The following ZNF385D variants were observed in gnomAD, a reference collection of about 807,000 sequenced individuals.
ZNF385D encodes zinc finger protein 659.
ZNF385D carries 15 observed loss-of-function variants against 35.8 expected under a neutral mutation model. The observed-to-expected ratio is 0.42, with a 90% CI of 0.28 to 0.64. The LOEUF is 0.64. Ranked by LOEUF, ZNF385D falls within the 30% of genes least tolerant of loss-of-function variation. The pLI, the probability that ZNF385D is intolerant of heterozygous loss-of-function variation, is 0.23. For missense variants in ZNF385D, 474 were observed against 494.6 expected (o/e 0.96, Z 0.39); for synonymous variants, 212 against 186.8 (o/e 1.13, Z -1.10).
At chr3:22,242,757 T>A (rs997093048) in intron 2 of ZNF385D, among the ~76,000 whole-genome samples, 1 of 151,162 alleles carries the variant, frequency 6.6e-6, no homozygotes, top group Admixed American at 6.6e-5. Flanking sequence ...TAATGGATTA[T>A]ACCAATTTTA....
intron 3 of ZNF385D, among the ~76,000 whole-genome samples, chr3:22,105,838 C>T (rs1037101086): frequency 1.3e-5 from 2 of 152,076 alleles, no homozygotes; most frequent in African/African-American, 4.8e-5. Flanking sequence ...GTTTAACTGG[C>T]TGGGCATCCT....
In ZNF385D at chr3:22,136,337, A is replaced by G. The variant is rs565501740; in HGVS notation, c.325+32480T>C. ...TGGGAGGCAGAGGTTGCACTGAGCC[A>G]AGATCACACCACTTTATTTCCGCCT... On this transcript the variant is annotated intron_variant, in intron 3 of 5. Coordinates refer to the ZNF385D transcript ENST00000494108. 1.1e-4 allele frequency among the ~76,000 whole-genome samples: 17 copies of G among 152,314 alleles called. No homozygotes were observed. In the East Asian group the frequency reaches 1.9e-3, roughly 17 times the overall value.
Position 21,923,177 on chromosome 3 carries a change from T to TC in ZNF385D, c.325+245639dup, listed in dbSNP as rs796439502. Among the ~76,000 whole-genome samples the TC allele has an allele frequency of 7.3e-4, 110 of 151,690 alleles. 1 individual carries two copies. The highest frequency in any genetic ancestry group is 2.6e-3 in the African/African-American group (109 of 41,320). Reference sequence around the variant, plus strand: ...TAGGTATATCTCCTAATGCTATCCCTCCCCCATCCCCCCACCCCACAACAG... The same window carrying TC: ...TAGGTATATCTCCTAATGCTATCCCTCCCCCCATCCCCCCACCCCACAACAG... On this transcript the variant is annotated intron_variant, in intron 3 of 5. Transcript: ENST00000494108.
chr3:22,115,469 C>T (rs368357585), intron 3 of ZNF385D, among the ~76,000 whole-genome samples: 1 of 152,162 alleles, frequency 6.6e-6, no homozygotes, highest in East Asian at 1.9e-4. Context: ...CATACAGTTG[C>T]TGCCTCTCAC....
At position 21,651,057 on chromosome 3, in the gene ZNF385D, A is replaced by T. The variant is rs567463503; in HGVS notation, c.165+13829T>A. On this transcript the variant is annotated intron_variant, in intron 2 of 7. Transcript: ENST00000281523. ...CACTTTGGGAGGCTGAGGCGGGCAG[A>T]TCATGAGGTCAGGAGATCGAGACCA... 7.9e-5 allele frequency among the ~76,000 whole-genome samples: 12 copies of T among 151,994 alleles called. No individual in the cohort carries two copies. The East Asian group carries it at 2.3e-3, about 29-fold the overall frequency.
intron 3 of ZNF385D, among the ~76,000 whole-genome samples, chr3:21,876,363 T>A (rs1697972084): frequency 6.6e-6 from 1 of 151,752 alleles, no homozygotes; most frequent in Admixed American, 6.6e-5. Flanking sequence ...ATAATCATTT[T>A]GGGATGATTT....
intron 3 of ZNF385D, among the ~76,000 whole-genome samples, chr3:21,812,652 G>C (rs1485529447): frequency 6.6e-6 from 1 of 152,236 alleles, no homozygotes; most frequent in African/African-American, 2.4e-5. Context: ...TGGGGGAGGG[G>C]AGTGCGCCAT....
At chr3:21,505,972 ACT>A (rs1706746509) in intron 4 of ZNF385D, among the ~76,000 whole-genome samples, 1 of 151,984 alleles carries the variant, frequency 6.6e-6, no homozygotes, top group South Asian at 2.1e-4. Context: ...CTATTCTCAG[ACT>A]CTGATGGAGG....
At chr3:21,597,516 T>C (rs1022323641) in intron 2 of ZNF385D, among the ~76,000 whole-genome samples, 2 of 152,170 alleles carry the variant, frequency 1.3e-5, no homozygotes, top group African/African-American at 4.8e-5. Context: ...ATGAGAGTGA[T>C]TTTTGACTGG....
intron 3 of ZNF385D, among the ~76,000 whole-genome samples, chr3:21,530,927 T>C (rs1269986758): frequency 2.0e-5 from 3 of 152,192 alleles, no homozygotes; most frequent in Non-Finnish European, 4.4e-5. Flanking sequence ...CCATACCATG[T>C]TTAAACACTG....
intron 2 of ZNF385D, among the ~76,000 whole-genome samples, chr3:22,297,809 T>A (rs1253080398): frequency 6.6e-6 from 1 of 152,132 alleles, no homozygotes; most frequent in African/African-American, 2.4e-5. Flanking sequence ...GACATGACTA[T>A]CTCTATTGAC....
intron 2 of ZNF385D, among the ~76,000 whole-genome samples, chr3:21,583,523 A>T (rs2063724933): frequency 6.6e-6 from 1 of 152,198 alleles, no homozygotes; most frequent in Non-Finnish European, 1.5e-5. Flanking sequence ...TAAATATTTA[A>T]AACACTGATT....
At chr3:22,007,623 T>C (rs1559843164) in intron 3 of ZNF385D, among the ~76,000 whole-genome samples, 1 of 152,342 alleles carries the variant, frequency 6.6e-6, no homozygotes, top group Non-Finnish European at 1.5e-5. Flanking sequence ...AGTAGGTATT[T>C]CGTCACAGTT....
At chr3:21,704,477 A>G (rs1300860477) in intron 1 of ZNF385D, among the ~76,000 whole-genome samples, 2 of 151,948 alleles carry the variant, frequency 1.3e-5, no homozygotes, top group Admixed American at 1.3e-4. Flanking sequence ...CATAGCCTTT[A>G]CCAAAATCTG....
intron 2 of ZNF385D, among the ~76,000 whole-genome samples, chr3:22,212,745 A>T (rs972090423): frequency 1.3e-5 from 2 of 152,018 alleles, no homozygotes; most frequent in African/African-American, 4.8e-5. Context: ...ATAATTATAA[A>T]AAGAAATATT....
chr3:22,321,329 G>C (rs1559518678), intron 2 of ZNF385D, among the ~76,000 whole-genome samples: 1 of 151,066 alleles, frequency 6.6e-6, no homozygotes, highest in Admixed American at 6.6e-5. Context: ...ATTAATGGGG[G>C]GATTCAGTCT....
rs899776597 is a variant in ZNF385D, at chr3:22,241,933, A to G, written c.107-72898T>C. Among the ~76,000 whole-genome samples, 3 of 150,818 alleles carry G rather than the reference A, an allele frequency of 2.0e-5. 1 individual carries two copies. The highest frequency in any genetic ancestry group is 3.9e-4 in the East Asian group (2 of 5,084). On this transcript the variant is annotated intron_variant, in intron 2 of 5. Coordinates refer to the ZNF385D transcript ENST00000494108. ...TTATTGTAAAGGAGCTTCTTTAAAC[A>G]GAAGGGACAACTACTTTAAATATCC...
intron 3 of ZNF385D, among the ~76,000 whole-genome samples, chr3:21,523,767 GC>G (rs1559371484): frequency 9.7e-6 from 1 of 103,444 alleles, no homozygotes; most frequent in African/African-American, 3.8e-5. Context: ...GGAAGGCTGT[GC>G]AAATTTTTTT....
chr3:21,504,160 A>G (rs1706601628), intron 4 of ZNF385D, among the ~76,000 whole-genome samples: 1 of 152,184 alleles, frequency 6.6e-6, no homozygotes. Context: ...AGGAAAATCC[A>G]TATACTCAAT....
Sources: gnomAD v4.1 joint callset for allele counts (sites outside exome capture counted in the v4.1 genomes callset) on GRCh38, gnomAD v4.1.1 for gene constraint, MANE v1.5 for transcripts, NCBI Gene and HGNC (gene_info 2026-07-23, HGNC 2026-07-21) for gene names.